The following GNG7 variants were observed in gnomAD, a reference collection of about 807,000 sequenced individuals.
The protein encoded by GNG7 is guanine nucleotide-binding protein G(I)/G(S)/G(O) subunit gamma-7.
In GNG7, 1 loss-of-function variant was observed where a neutral mutation model predicts 4.0. The ratio of observed to expected loss-of-function variants is 0.25; its 90% CI spans 0.09 to 1.18. The LOEUF (loss-of-function observed/expected upper bound fraction) is 1.18. Among genes scored for constraint, GNG7 ranks in the 50% most tolerant of loss-of-function variants. The pLI is 0.50. For missense variants in GNG7, 86 were observed against 91.9 expected (o/e 0.94, Z 0.26); for synonymous variants, 34 against 36.9 (o/e 0.92, Z 0.29).
At chr19:2,656,185 A>G (rs900728568) in intron 1 of GNG7, among the ~76,000 whole-genome samples, 12 of 152,234 alleles carry the variant, frequency 7.9e-5, no homozygotes, top group Admixed American at 7.2e-4. Flanking sequence ...TAGAACCACC[A>G]TATGATCCAG....
intron 2 of GNG7, among the ~76,000 whole-genome samples, chr19:2,568,313 ACG>A (rs1354002364): frequency 1.1e-4 from 17 of 151,596 alleles, no homozygotes; most frequent in African/African-American, 3.6e-4. Context: ...ACACATACAC[ACG>A]CACACACACA....
In GNG7 at chr19:2,511,749, A is replaced by G; in HGVS notation, c.*3273T>C. The G allele has an allele frequency of 1.0e-6, 1 of 955,304 alleles. No homozygotes were observed. The highest frequency in any genetic ancestry group is 1.2e-6 in the Non-Finnish European group (1 of 802,148). 59.2% of individuals were successfully genotyped at this position (955,304 alleles called of 1,614,324 possible). A position where few individuals can be genotyped will look rare whatever the true frequency, so the allele number is the denominator to read the frequency against. ...CAAAGGGACCACGCAGAAGGAGGGAAACAGGAGCACCTTCCGCCCTGGCCC... is the reference window on the plus strand; with the variant it reads ...CAAAGGGACCACGCAGAAGGAGGGAGACAGGAGCACCTTCCGCCCTGGCCC... On this transcript the variant is annotated 3_prime_UTR_variant, in exon 5 of 5. Transcript: ENST00000382159. The surrounding 1 kb of genome is among the most constrained non-coding windows in gnomAD (Gnocchi z 6.3).
intron 1 of GNG7, among the ~76,000 whole-genome samples, chr19:2,699,390 C>T (rs1018843902): frequency 6.6e-6 from 1 of 152,110 alleles, no homozygotes; most frequent in African/African-American, 2.4e-5. Context: ...CTCAAGTGAT[C>T]CACCCACTTC....
intron 3 of GNG7, among the ~76,000 whole-genome samples, chr19:2,547,668 C>T (rs1376580296): frequency 6.6e-6 from 1 of 152,230 alleles, no homozygotes. Flanking sequence ...CTGCCAACCC[C>T]AGCACATCCC....
chr19:2,648,362 C>T (rs796438059), intron 1 of GNG7, among the ~76,000 whole-genome samples: 14 of 152,050 alleles, frequency 9.2e-5, no homozygotes, highest in African/African-American at 3.4e-4. Context: ...TGCCACTGCA[C>T]TCCAGCCTGG....
intron 2 of GNG7, among the ~76,000 whole-genome samples, chr19:2,568,195 A>G (rs1040892994): frequency 3.3e-5 from 5 of 150,738 alleles, no homozygotes; most frequent in South Asian, 4.1e-4. Context: ...GCACATACAC[A>G]CACATATAGA....
intron 1 of GNG7, among the ~76,000 whole-genome samples, chr19:2,693,321 T>C (rs923222533): frequency 2.8e-5 from 4 of 141,500 alleles, no homozygotes; most frequent in Non-Finnish European, 6.1e-5. Flanking sequence ...GAGGTCGAGG[T>C]GGGAGGATTG....
At chr19:2,590,592 C>CCATCCATCCAT (rs1980815449) in intron 2 of GNG7, among the ~76,000 whole-genome samples, 1 of 59,990 alleles carries the variant, frequency 1.7e-5, no homozygotes, top group East Asian at 1.0e-3. Context: ...CATCCATCCA[C>CCATCCATCCAT]CCACCCACCC....
intron 2 of GNG7, among the ~76,000 whole-genome samples, chr19:2,623,487 T>C (rs956378670): frequency 2.0e-5 from 3 of 152,136 alleles, no homozygotes; most frequent in African/African-American, 7.2e-5. Context: ...ATCTGTATGA[T>C]GGAATATTAC....
intron 1 of GNG7, among the ~76,000 whole-genome samples, chr19:2,674,900 CTG>C (rs1159448534): frequency 2.0e-5 from 3 of 152,224 alleles, no homozygotes; most frequent in South Asian, 2.1e-4. Context: ...AGTTTGAAAA[CTG>C]TGCCATTGTA....
intron 3 of GNG7, among the ~76,000 whole-genome samples, chr19:2,536,940 A>ATT (rs1329534029): frequency 1.4e-5 from 2 of 147,850 alleles, no homozygotes; most frequent in East Asian, 3.9e-4. Flanking sequence ...ACATATTTTT[A>ATT]TTTTTATTTT....
chr19:2,693,495 A>C (rs1599465326), intron 1 of GNG7, among the ~76,000 whole-genome samples: 2 of 152,256 alleles, frequency 1.3e-5, no homozygotes, highest in South Asian at 2.1e-4. Context: ...CATCAAAGGT[A>C]GTCTTTTTCT....
Position 2,619,579 on chromosome 19 carries a change from TCAGC to T in GNG7, c.-78+26641_-78+26644del, listed in dbSNP as rs556113978. Among the ~76,000 whole-genome samples the T allele has an allele frequency of 2.2e-4, 33 of 152,316 alleles. 1 individual carries two copies. Among genetic ancestry groups the T allele is most frequent in the Admixed American group, 1.3e-3 (20 of 15,292 alleles). On this transcript the variant is annotated intron_variant, in intron 2 of 4. Transcript: ENST00000382159. ...AGCAAACGCCACCATGGAGCAGGACTCAGCCATGAAAAGGAACAAGGCTCTGATG... is the reference window on the plus strand; with the variant it reads ...AGCAAACGCCACCATGGAGCAGGACTCATGAAAAGGAACAAGGCTCTGATG...
chr19:2,627,271 G>A (rs528649819), intron 2 of GNG7, among the ~76,000 whole-genome samples: 1 of 151,988 alleles, frequency 6.6e-6, no homozygotes, highest in East Asian at 2.0e-4. Context: ...GTTGGTGGAG[G>A]CCAGGGACAC....
At chr19:2,657,981 T>C (rs1351996724) in intron 1 of GNG7, among the ~76,000 whole-genome samples, 8 of 152,162 alleles carry the variant, frequency 5.3e-5, no homozygotes, top group Middle Eastern at 6.8e-3. Context: ...TTACCTATCA[T>C]TGGAGATGGC....
chr19:2,542,318 G>C (rs1381133351), intron 3 of GNG7, among the ~76,000 whole-genome samples: 2 of 151,924 alleles, frequency 1.3e-5, no homozygotes, highest in South Asian at 4.2e-4. Context: ...GTTTCACCAT[G>C]TTGCCCAGGC....
chr19:2,605,193 G>T (rs1474046636), intron 2 of GNG7, among the ~76,000 whole-genome samples: 2 of 151,996 alleles, frequency 1.3e-5, no homozygotes, highest in Non-Finnish European at 2.9e-5. Flanking sequence ...AAATCTCACT[G>T]TTGTTTTTTT....
intron 3 of GNG7, chr19:2,538,015 T>C: frequency 2.5e-6 from 1 of 398,910 alleles, no homozygotes; most frequent in Non-Finnish European, 5.1e-6. Flanking sequence ...AGGCGGAGGC[T>C]GTAGTGAGCT....
At chr19:2,568,382 CAT>C (rs914044330) in intron 2 of GNG7, among the ~76,000 whole-genome samples, 46 of 142,624 alleles carry the variant, frequency 3.2e-4, no homozygotes, top group Middle Eastern at 3.5e-3. Context: ...TATAGACACA[CAT>C]ATACAACACA....
Sources: allele counts gnomAD v4.1 joint callset (sites outside exome capture counted in the v4.1 genomes callset), GRCh38; gene constraint gnomAD v4.1.1; non-coding constraint Gnocchi (gnomAD v3.1); transcripts MANE v1.5; gene names NCBI Gene and HGNC (gene_info 2026-07-23, HGNC 2026-07-21).